The following NPSR1 variants were observed in gnomAD, a reference collection of about 807,000 sequenced individuals.
NPSR1 encodes neuropeptide S receptor.
NPSR1 carries 48 observed loss-of-function variants against 46.9 expected under a neutral mutation model. The observed-to-expected ratio is 1.02, with a 90% CI of 0.81 to 1.30. The LOEUF is 1.30. Among genes scored for constraint, NPSR1 ranks in the 50% most tolerant of loss-of-function variants. The probability of loss-of-function intolerance (pLI) is 0.00; values close to 1 mark genes in which losing one functional copy is unlikely to be tolerated. For missense variants in NPSR1, 450 were observed against 449.5 expected, an observed-to-expected ratio of 1.00 and a Z score of -0.01; for synonymous variants, 176 against 168.1, an observed-to-expected ratio of 1.05 and a Z score of -0.36.
intron 3 of NPSR1, among the ~76,000 whole-genome samples, chr7:34,782,836 T>A (rs186960607): frequency 4.3e-4 from 66 of 152,180 alleles, no homozygotes; most frequent in African/African-American, 1.5e-3. Context: ...TCAAAATAAT[T>A]TTTTTAGGAA....
intron 2 of NPSR1, among the ~76,000 whole-genome samples, chr7:34,705,779 T>C (rs1174182836): frequency 2.0e-5 from 3 of 147,964 alleles, no homozygotes; most frequent in South Asian, 4.2e-4. Context: ...GTAACTGTTT[T>C]GGCATTTATC....
intron 8 of NPSR1, among the ~76,000 whole-genome samples, chr7:34,873,397 A>T (rs1791500969): frequency 6.6e-6 from 1 of 151,542 alleles, no homozygotes. Context: ...ACACTGCTAT[A>T]AAAAAAAGTA....
chr7:34,725,939 C>A (rs985843734), intron 2 of NPSR1, among the ~76,000 whole-genome samples: 3 of 152,104 alleles, frequency 2.0e-5, no homozygotes, highest in South Asian at 4.2e-4. Flanking sequence ...AATGGGAGTT[C>A]CCCTGCACAA....
chr7:34,718,577 C>T (rs181363570), intron 2 of NPSR1, among the ~76,000 whole-genome samples: 5 of 152,210 alleles, frequency 3.3e-5, no homozygotes, highest in African/African-American at 7.2e-5. Flanking sequence ...TCTCCAGGGC[C>T]CAATAGGAAG....
At chr7:34,759,661 G>A (rs1786059808) in intron 2 of NPSR1, among the ~76,000 whole-genome samples, 1 of 152,102 alleles carries the variant, frequency 6.6e-6, no homozygotes, top group African/African-American at 2.4e-5. Flanking sequence ...CATAATCATG[G>A]CGGGTATAAA....
At chr7:34,735,024 T>C (rs183462114) in intron 2 of NPSR1, among the ~76,000 whole-genome samples, 170 of 152,308 alleles carry the variant, frequency 1.1e-3, no homozygotes, top group South Asian at 1.9e-3. Flanking sequence ...ACTATGGCCA[T>C]GGATGGACTA....
intron 2 of NPSR1, among the ~76,000 whole-genome samples, chr7:34,694,301 A>G (rs1793407297): frequency 1.3e-5 from 2 of 152,188 alleles, no homozygotes; most frequent in Non-Finnish European, 1.5e-5. Flanking sequence ...AACAACTTCA[A>G]TAAATTTTCA....
chr7:34,742,375 A>G (rs1784987619), intron 2 of NPSR1, among the ~76,000 whole-genome samples: 1 of 152,080 alleles, frequency 6.6e-6, no homozygotes, highest in South Asian at 2.1e-4. Context: ...TGTGTTCATA[A>G]GTTCTCATCA....
chr7:34,703,519 A>G (rs925208149), intron 2 of NPSR1, among the ~76,000 whole-genome samples: 10 of 152,278 alleles, frequency 6.6e-5, no homozygotes, highest in African/African-American at 2.4e-4. Flanking sequence ...AAAAGAAAAC[A>G]CATCACTTAG....
intron 1 of NPSR1, among the ~76,000 whole-genome samples, chr7:34,663,188 T>C (rs1791562037): frequency 1.3e-5 from 2 of 152,126 alleles, no homozygotes; most frequent in African/African-American, 4.8e-5. Context: ...AAGACCTGTC[T>C]GTCCCTCAGA....
chr7:34,748,630 G>A (rs1785343442), intron 2 of NPSR1, among the ~76,000 whole-genome samples: 1 of 152,176 alleles, frequency 6.6e-6, no homozygotes, highest in South Asian at 2.1e-4. Flanking sequence ...ATGCTGTTGA[G>A]AGAGTAAGTG....
At chr7:34,718,303 TTTC>T (rs748625804) in intron 2 of NPSR1, among the ~76,000 whole-genome samples, 1 of 152,228 alleles carries the variant, frequency 6.6e-6, no homozygotes, top group Non-Finnish European at 1.5e-5. Flanking sequence ...TCGATGCTTG[TTTC>T]CATTCAGCTG....
downstream of NPSR1, among the ~76,000 whole-genome samples, chr7:34,852,471 G>T (rs991622948): frequency 6.6e-6 from 1 of 152,126 alleles, no homozygotes; most frequent in East Asian, 1.9e-4. Flanking sequence ...TGGAGCAGAG[G>T]ATCTTGGTGG....
rs1262738468 is a variant in NPSR1 at position 34,849,742 on chromosome 7, G to A, written c.*87G>A. On this transcript the variant is annotated 3_prime_UTR_variant, in exon 9 of 9. Coordinates refer to ENST00000360581, the MANE Select transcript of NPSR1 (RefSeq NM_207172.2). The stretch of plus-strand genomic sequence containing the variant: ...GCTTGGGCACGTGCATGGAACCCGA[G>A]CCAACTTCACCCCACCCTCGTCATT... 23 of 1,578,902 alleles carry A rather than the reference G, an allele frequency of 1.5e-5. 1 individual carries two copies. The highest frequency in any genetic ancestry group is 1.3e-4 in the South Asian group (11 of 85,676).
chr7:34,669,790 T>A (rs1791952324), intron 1 of NPSR1, among the ~76,000 whole-genome samples: 1 of 152,100 alleles, frequency 6.6e-6, no homozygotes, highest in Non-Finnish European at 1.5e-5. Flanking sequence ...AAAGTGACCT[T>A]CCCAAGGTTA....
At chr7:34,796,183 A>G (rs1209716216) in intron 3 of NPSR1, among the ~76,000 whole-genome samples, 1 of 152,172 alleles carries the variant, frequency 6.6e-6, no homozygotes, top group Non-Finnish European at 1.5e-5. Flanking sequence ...AAACAAGAAG[A>G]CATCCACACG....
At chr7:34,870,515 T>G (rs2128769989) in intron 8 of NPSR1, among the ~76,000 whole-genome samples, 1 of 151,906 alleles carries the variant, frequency 6.6e-6, no homozygotes, top group South Asian at 2.1e-4. Flanking sequence ...TTTCCTTTTC[T>G]GAGCTAAAAT....
intron 2 of NPSR1, among the ~76,000 whole-genome samples, chr7:34,745,527 T>A (rs1387181219): frequency 6.6e-6 from 1 of 152,190 alleles, no homozygotes; most frequent in Admixed American, 6.5e-5. Flanking sequence ...TCTATTAATT[T>A]ATTTATTTAG....
chr7:34,781,490 G>C (rs906773144), intron 3 of NPSR1, among the ~76,000 whole-genome samples: 4 of 152,276 alleles, frequency 2.6e-5, no homozygotes, highest in Non-Finnish European at 5.9e-5. Flanking sequence ...ATTTGGCTAG[G>C]AACAAAGAAG....
Sources: allele counts gnomAD v4.1 joint callset (sites outside exome capture counted in the v4.1 genomes callset), GRCh38; gene constraint gnomAD v4.1.1; transcripts MANE v1.5; gene names NCBI Gene and HGNC (gene_info 2026-07-23, HGNC 2026-07-21).